Variants in FBP1 observed in about 807,000 individuals in gnomAD.
FBP1 encodes fructose-1,6-bisphosphatase 1.
A neutral mutation model predicts 29.9 loss-of-function variants in FBP1; 22 were observed. The ratio of observed to expected loss-of-function variants is 0.74; its 90% confidence interval spans 0.53 to 1.05. FBP1 has a LOEUF of 1.05. FBP1 is among the 50% of genes least tolerant of loss of function. FBP1 has a pLI of 0.00. For synonymous variants in FBP1, 175 were observed against 178.6 expected, an observed-to-expected ratio of 0.98 and a Z score of 0.16; for missense variants, 345 against 448.2, an observed-to-expected ratio of 0.77 and a Z score of 2.08.
chr9:94,625,591 C>T (rs1217532461), intron 1 of FBP1, among the ~76,000 whole-genome samples: 2 of 152,134 alleles, frequency 1.3e-5, no homozygotes, highest in Non-Finnish European at 2.9e-5. Flanking sequence ...GTCAGGAGAT[C>T]GAGACCATCC....
intron 3 of FBP1, among the ~76,000 whole-genome samples, chr9:94,611,891 C>T (rs1482599467): frequency 6.6e-6 from 1 of 152,184 alleles, no homozygotes; most frequent in African/African-American, 2.4e-5. Context: ...AAGAACTTCA[C>T]ATTCAAGCAT....
intron 1 of FBP1, among the ~76,000 whole-genome samples, chr9:94,630,691 C>T (rs1476101055): frequency 6.6e-6 from 1 of 152,218 alleles, no homozygotes; most frequent in Non-Finnish European, 1.5e-5. Flanking sequence ...ACCGTTTCCA[C>T]CTCTAGCTCC....
At position 94,636,371 on chromosome 9, in the gene FBP1, G is replaced by T. The variant is rs978965856; in HGVS notation, c.170+2770C>A. Among the ~76,000 whole-genome samples, 11 of 152,136 alleles carry T rather than the reference G, an allele frequency of 7.2e-5. No individual in the cohort carries two copies. In the East Asian group the frequency reaches 2.1e-3, roughly 29 times the overall value. ...CACATGCCTGTAGTCCCAGCTACAGGGGAGGCTGAGGTGGGAGCACCAATT... is the reference window on the plus strand; with the variant it reads ...CACATGCCTGTAGTCCCAGCTACAGTGGAGGCTGAGGTGGGAGCACCAATT... On this transcript the variant is annotated intron_variant, in intron 1 of 6. Transcript: ENST00000375326.
At chr9:94,639,103 C>G (rs754855741) in intron 1 of FBP1, 38 bp downstream of exon 1, 2 of 1,564,164 alleles carry the variant, frequency 1.3e-6, no homozygotes, top group South Asian at 2.3e-5. Context: ...CCCAGGCAGA[C>G]AGACAGGACG....
intron 6 of FBP1, among the ~76,000 whole-genome samples, chr9:94,604,650 G>T (rs894368414): frequency 1.3e-5 from 2 of 152,130 alleles, no homozygotes; most frequent in African/African-American, 4.8e-5. Flanking sequence ...CGGGCGTGGT[G>T]GCGGGCACCT....
chr9:94,617,237 A>G (rs1827877146), intron 3 of FBP1, among the ~76,000 whole-genome samples: 1 of 152,274 alleles, frequency 6.6e-6, no homozygotes, highest in Non-Finnish European at 1.5e-5. Flanking sequence ...CGTGAAGAGT[A>G]AAACTTAAAA....
chr9:94,634,386 C>T (rs1015420640), intron 1 of FBP1, among the ~76,000 whole-genome samples: 1 of 152,074 alleles, frequency 6.6e-6, no homozygotes, highest in African/African-American at 2.4e-5. Context: ...AGAGTAAACT[C>T]TGTGTTGTTC....
intron 1 of FBP1, among the ~76,000 whole-genome samples, chr9:94,626,103 A>G (rs553905917): frequency 6.6e-6 from 1 of 152,266 alleles, no homozygotes; most frequent in Admixed American, 6.5e-5. Flanking sequence ...CTTTACCCCC[A>G]GTAAGCGTCC....
At chr9:94,609,138 G>A (rs1344329629) in intron 4 of FBP1, among the ~76,000 whole-genome samples, 3 of 150,994 alleles carry the variant, frequency 2.0e-5, no homozygotes, top group Admixed American at 6.6e-5. Context: ...GCAGTGAGCC[G>A]AGATCACGCC....
intron 3 of FBP1, among the ~76,000 whole-genome samples, chr9:94,616,070 C>G (rs867144646): frequency 1.3e-5 from 2 of 152,176 alleles, no homozygotes; most frequent in Middle Eastern, 3.4e-3. Context: ...CCTCATGATC[C>G]GCCCACCTCG....
chr9:94,638,099 A>G (rs538106496), intron 1 of FBP1, among the ~76,000 whole-genome samples: 1,251 of 86,458 alleles, frequency 0.014, 9 homozygotes, highest in Non-Finnish European at 0.031. Context: ...AAAAAAAAAA[A>G]AAAAGAAAAG....
At chr9:94,618,455 TAAAAAAAAAAAAAAAAAAA>T (rs59806476) in intron 2 of FBP1, among the ~76,000 whole-genome samples, 2 of 74,592 alleles carry the variant, frequency 2.7e-5, no homozygotes, top group African/African-American at 5.1e-5. Context: ...ACTCCTTCTG[TAAAAAAAAAAAAAAAAAAA>T]AAAAAAAAAA....
At chr9:94,630,367 G>A (rs1250341643) in intron 1 of FBP1, among the ~76,000 whole-genome samples, 1 of 152,172 alleles carries the variant, frequency 6.6e-6, no homozygotes, top group Non-Finnish European at 1.5e-5. Flanking sequence ...ATAGCTTCTT[G>A]GTAAAAGTGT....
chr9:94,605,402 G>T lies in FBP1; in HGVS notation c.825+55C>A, dbSNP rs146735511. On this transcript the variant is annotated intron_variant, in intron 6 of 6. Transcript: ENST00000375326. Reference sequence around the variant, plus strand: ...ACCTTTCTTCTTCCTAAACTAAATCGCGTGGGCTGCAAGTGAAATCTGCTC... The same window carrying T: ...ACCTTTCTTCTTCCTAAACTAAATCTCGTGGGCTGCAAGTGAAATCTGCTC... 2.7e-4 allele frequency: 433 copies of T among 1,593,636 alleles called. 3 individuals carry two copies. The East Asian group carries it at 9.6e-3, about 35-fold the overall frequency.
At chr9:94,618,187 G>T (rs1827891668) in intron 2 of FBP1, among the ~76,000 whole-genome samples, 1 of 152,012 alleles carries the variant, frequency 6.6e-6, no homozygotes, top group Admixed American at 6.6e-5. Flanking sequence ...GAAAAAGAAG[G>T]TTAGTCACTC....
rs186481467 is a variant in FBP1 at position 94,623,097 on chromosome 9, G to A, written c.171-2606C>T. Among the ~76,000 whole-genome samples, 818 of 152,206 alleles carry A rather than the reference G, an allele frequency of 5.4e-3. 6 individuals are homozygous for A. Among genetic ancestry groups the A allele is most frequent in the African/African-American group, 0.018 (756 of 41,502 alleles). On this transcript the variant is annotated intron_variant, in intron 1 of 6. Transcript: ENST00000375326. ...CCTCCCAGGTTCAAGCGATTCTCGT[G>A]CCTCACCCTCCTGAGTAGCTGGGAC...
At position 94,610,040 on chromosome 9, in the gene FBP1, C is replaced by G; in HGVS notation, c.448G>C (p.Glu150Gln). 2 of 1,614,176 alleles carry G rather than the reference C, an allele frequency of 1.2e-6. No homozygotes were observed. Among genetic ancestry groups the G allele is most frequent in the Non-Finnish European group, 1.7e-6 (2 of 1,180,002 alleles). Residue 150 changes from glutamate to glutamine, a missense_variant, in exon 4 of 7, where the codon GAG (glutamate) becomes CAG (glutamine). By Grantham distance (29) the Glu-to-Gln change is conservative (BLOSUM62 2). Coordinates refer to ENST00000375326, the MANE Select transcript of FBP1 (RefSeq NM_000507.4). ...YRKKSTDEPSEKDALQPGRNL... is the reference protein window; with the variant it reads ...YRKKSTDEPSQKDALQPGRNL... ...CGGCCTGGTTGCAGAGCATCCTTCTCAGAAGGCTCATCAGTTGATTTCTAG... is the reference window on the plus strand; with the variant it reads ...CGGCCTGGTTGCAGAGCATCCTTCTGAGAAGGCTCATCAGTTGATTTCTAG...
At chr9:94,609,030 G>T (rs28369739) in intron 4 of FBP1, among the ~76,000 whole-genome samples, 1 of 151,906 alleles carries the variant, frequency 6.6e-6, no homozygotes, top group African/African-American at 2.4e-5. Flanking sequence ...GCGAAACCCC[G>T]TCTCTACTAA....
intron 3 of FBP1, among the ~76,000 whole-genome samples, chr9:94,611,264 A>T (rs894442446): frequency 6.6e-6 from 1 of 152,188 alleles, no homozygotes; most frequent in African/African-American, 2.4e-5. Context: ...AGCAGAAATA[A>T]AAATATGCAA....
Sources: gnomAD v4.1 joint callset for allele counts (sites outside exome capture counted in the v4.1 genomes callset) on GRCh38, gnomAD v4.1.1 for gene constraint, MANE v1.5 for transcripts, NCBI Gene and HGNC (gene_info 2026-07-23, HGNC 2026-07-21) for gene names.